ZC3H3: variants seen among roughly 807,000 people sequenced by gnomAD.
ZC3H3 encodes the protein zinc finger CCCH-type containing 3, also known as zinc finger CCCH domain-containing protein 3.
A neutral mutation model predicts 77.3 loss-of-function variants in ZC3H3; 36 were observed. The observed-to-expected ratio is 0.47, with a 90% confidence interval of 0.36 to 0.61. ZC3H3 has a LOEUF of 0.61. Ranked by LOEUF, ZC3H3 falls within the 20% of genes least tolerant of loss-of-function variation. The probability of loss-of-function intolerance (pLI) is 0.00; values close to 1 mark genes in which losing one functional copy is unlikely to be tolerated. For missense variants in ZC3H3, 1,331 were observed against 1,312.2 expected (o/e 1.01, Z -0.22); for synonymous variants, 626 against 555.2 (o/e 1.13, Z -1.79).
intron 4 of ZC3H3, among the ~76,000 whole-genome samples, chr8:143,483,238 A>T (rs930959637): frequency 3.9e-5 from 6 of 152,224 alleles, no homozygotes; most frequent in African/African-American, 1.2e-4. Context: ...TTTCCACTGG[A>T]AACGCTGACA....
In ZC3H3 at chr8:143,540,427, G is replaced by A. The variant is rs1354952394; in HGVS notation, c.46+949C>T. On this transcript the variant is annotated intron_variant, in intron 1 of 11. Transcript: ENST00000262577. ...AATTTTTCTGTAGAGACGGGCTCTCGTCATGTTGCCCAGGATGGTCTCAAA... is the reference window on the plus strand; with the variant it reads ...AATTTTTCTGTAGAGACGGGCTCTCATCATGTTGCCCAGGATGGTCTCAAA... Among the ~76,000 whole-genome samples the A allele has an allele frequency of 5.3e-5, 8 of 152,206 alleles. No homozygotes were observed. The South Asian group carries it at 1.0e-3, about 20-fold the overall frequency.
At chr8:143,503,780 C>A (rs58216756) in intron 4 of ZC3H3, among the ~76,000 whole-genome samples, 1 of 151,674 alleles carries the variant, frequency 6.6e-6, no homozygotes, top group Non-Finnish European at 1.5e-5. Flanking sequence ...AGCCATCTCC[C>A]GACCACCTAC....
chr8:143,507,625 C>G (rs879117452), intron 4 of ZC3H3, 121 bp downstream of exon 4: 3 of 1,211,284 alleles, frequency 2.5e-6, no homozygotes, highest in South Asian at 2.4e-5. Flanking sequence ...GAGCCCAACA[C>G]CAAGCAGTTC....
chr8:143,479,681 T>C (rs1427597258), intron 4 of ZC3H3, among the ~76,000 whole-genome samples: 3 of 152,196 alleles, frequency 2.0e-5, no homozygotes, highest in Non-Finnish European at 2.9e-5. Flanking sequence ...CAAATTATCT[T>C]TCCTTCAGCC....
intron 3 of ZC3H3, among the ~76,000 whole-genome samples, chr8:143,512,421 C>A (rs967206106): frequency 6.6e-6 from 1 of 152,278 alleles, no homozygotes; most frequent in African/African-American, 2.4e-5. Context: ...GTCTGTGACC[C>A]GTTTCTGTGT....
At chr8:143,491,761 CGTGCAGGGCTGTGGGGCCGG>C (rs966179055) in intron 4 of ZC3H3, among the ~76,000 whole-genome samples, 17 of 152,280 alleles carry the variant, frequency 1.1e-4, no homozygotes, top group African/African-American at 3.9e-4. Flanking sequence ...AGGCAGAGGC[CGTGCAGGGCTGTGGGGCCGG>C]GTGCAGGGTG....
At position 143,462,366 on chromosome 8, in the gene ZC3H3, C is replaced by T. The variant is rs1370713341; in HGVS notation, c.2307+3351G>A. ...GGGTGGAGACTGGTCCTAAACAAGA[C>T]CCCGAGCACAAATCACAGGGCAAAG... is the stretch of plus-strand genomic sequence containing the variant. On this transcript the variant is annotated intron_variant, in intron 9 of 11. Coordinates refer to ENST00000262577, the MANE Select transcript of ZC3H3 (RefSeq NM_015117.3). This position sits in a 1 kb window ranked among gnomAD's most constrained non-coding sequence, Gnocchi z 4.7. Among the ~76,000 whole-genome samples the T allele has an allele frequency of 6.6e-6, 1 of 152,178 alleles. No individual in the cohort carries two copies. The highest frequency in any genetic ancestry group is 1.5e-5 in the Non-Finnish European group (1 of 68,028).
At chr8:143,524,414 C>T (rs1047484611) in intron 3 of ZC3H3, among the ~76,000 whole-genome samples, 2 of 152,260 alleles carry the variant, frequency 1.3e-5, no homozygotes, top group Non-Finnish European at 2.9e-5. Context: ...AGGACAGCCT[C>T]AGTACTTCAT....
At chr8:143,445,224 A>G (rs1194838654) in intron 9 of ZC3H3, among the ~76,000 whole-genome samples, 2 of 152,030 alleles carry the variant, frequency 1.3e-5, no homozygotes, top group Non-Finnish European at 2.9e-5. Context: ...TCTACTAAAA[A>G]TACAAAATTA....
At chr8:143,490,743 T>C (rs910213497) in intron 4 of ZC3H3, among the ~76,000 whole-genome samples, 1 of 152,118 alleles carries the variant, frequency 6.6e-6, no homozygotes, top group Non-Finnish European at 1.5e-5. Context: ...GGTGAAACCC[T>C]GTCTCTACTA....
chr8:143,494,622 G>T lies in ZC3H3; in HGVS notation c.1715+13124C>A, dbSNP rs1821295923. Among the ~76,000 whole-genome samples the T allele has an allele frequency of 6.6e-6, 1 of 152,192 alleles. No individual in the cohort carries two copies. The highest frequency in any genetic ancestry group is 2.1e-4 in the South Asian group (1 of 4,826). Reference sequence around the variant, plus strand: ...GGCCGGGACAGGAGGGAAGCGGCAGGTCGGGGGAGGGGGGTGCTGTGGGCA... The same window carrying T: ...GGCCGGGACAGGAGGGAAGCGGCAGTTCGGGGGAGGGGGGTGCTGTGGGCA... On this transcript the variant is annotated intron_variant, in intron 4 of 11. Transcript: ENST00000262577. This position sits in a 1 kb window ranked among gnomAD's most constrained non-coding sequence, Gnocchi z 5.3.
At position 143,449,428 on chromosome 8, in the gene ZC3H3, T is replaced by C. The variant is rs547923158; in HGVS notation, c.2308-8308A>G. Among the ~76,000 whole-genome samples the C allele has an allele frequency of 5.9e-5, 9 of 152,322 alleles. No homozygotes were observed. In the East Asian group the frequency reaches 1.5e-3, roughly 26 times the overall value. On this transcript the variant is annotated intron_variant, in intron 9 of 11. Coordinates refer to ENST00000262577, the MANE Select transcript of ZC3H3 (RefSeq NM_015117.3). ...CTTGAACACTTTGCTGCTTAGAAAC[T>C]TCCACCAGATTGGTTGTGTACAGTG...
chr8:143,443,272 G>A (rs968340582), intron 9 of ZC3H3, among the ~76,000 whole-genome samples: 6 of 122,678 alleles, frequency 4.9e-5, no homozygotes, highest in Non-Finnish European at 9.7e-5. Flanking sequence ...GCAACAGAGT[G>A]AGACCCTGTC....
At chr8:143,454,882 C>T (rs1820073981) in intron 9 of ZC3H3, among the ~76,000 whole-genome samples, 1 of 152,170 alleles carries the variant, frequency 6.6e-6, no homozygotes, top group African/African-American at 2.4e-5. Context: ...TCTTGTGGTA[C>T]TGCAGCACTT....
In ZC3H3 at chr8:143,440,216, T is replaced by TGAG. The variant is rs35759992; in HGVS notation, c.2637_2639dup (p.Ser881dup). The TGAG allele has an allele frequency of 0.046, 72,599 of 1,567,798 alleles. 720 individuals carry two copies. The highest frequency in any genetic ancestry group is 0.051 in the Non-Finnish European group (58,463 of 1,147,518). On this transcript the variant is annotated inframe_insertion, in exon 11 of 12. Transcript: ENST00000262577. ...CGTGGTCCAAGGAAGCGGGAGGGGA[T>TGAG]GAGGAGGAGGAGGAGGAGGAGGAAG...
chr8:143,523,649 T>A (rs1414041827), intron 3 of ZC3H3, among the ~76,000 whole-genome samples: 1 of 152,220 alleles, frequency 6.6e-6, no homozygotes, highest in African/African-American at 2.4e-5. Context: ...GCAGACCCTC[T>A]GCTGCATTCT....
chr8:143,498,708 G>C (rs1347589706), intron 4 of ZC3H3, among the ~76,000 whole-genome samples: 1 of 150,622 alleles, frequency 6.6e-6, no homozygotes, highest in Non-Finnish European at 1.5e-5. Flanking sequence ...CGGGGGCAGA[G>C]GGGTACAGGG....
At position 143,445,011 on chromosome 8, in the gene ZC3H3, G is replaced by A. The variant is rs148674628; in HGVS notation, c.2308-3891C>T. 7.7e-3 allele frequency among the ~76,000 whole-genome samples: 1,175 copies of A among 152,180 alleles called. 11 individuals are homozygous for A. Among genetic ancestry groups the A allele is most frequent in the African/African-American group, 0.024 (988 of 41,512 alleles). On this transcript the variant is annotated intron_variant, in intron 9 of 11. Coordinates refer to ENST00000262577, the MANE Select transcript of ZC3H3 (RefSeq NM_015117.3). ...TCTATATAAAATTATATTTCTATAC[G>A]CCAATGAACAGTGAGATAATACAAA...
rs1822794429 is a variant in ZC3H3, at chr8:143,536,300, T to C, written c.1518A>G (p.Leu506=). 6.2e-7 allele frequency: 1 copy of C among 1,612,068 alleles called. No individual in the cohort carries two copies. Among genetic ancestry groups the C allele is most frequent in the Non-Finnish European group, 8.5e-7 (1 of 1,179,720 alleles). The change falls in exon 3 of 12, where the codon CTA becomes CTG. Residue 506 remains leucine (L), a synonymous_variant. Coordinates refer to ENST00000262577, the MANE Select transcript of ZC3H3 (RefSeq NM_015117.3). ...GGGCCCGGCTCGGTGGCAGGCGACA[T>C]AGTCGGTGCGTGGTGACCTGTACCA... ...KGLVQVTTHR[L]CRLPPSRAHL...
Sources: gnomAD v4.1 joint callset for allele counts (sites outside exome capture counted in the v4.1 genomes callset) on GRCh38, gnomAD v4.1.1 for gene constraint, Gnocchi (gnomAD v3.1) non-coding constraint, MANE v1.5 for transcripts, NCBI Gene and HGNC (gene_info 2026-07-23, HGNC 2026-07-21) for gene names.